TBCD: variants seen among roughly 807,000 people sequenced by gnomAD.
TBCD encodes the protein tubulin folding cofactor D, also known as tubulin-specific chaperone D.
TBCD carries 105 observed loss-of-function variants against 169.3 expected under a neutral mutation model. That is an observed-to-expected ratio of 0.62 (90% CI 0.53 to 0.73). The LOEUF (loss-of-function observed/expected upper bound fraction) is 0.73, where lower values mean the gene tolerates loss of function less well. Ranked by LOEUF, TBCD falls within the 30% of genes least tolerant of loss-of-function variation. TBCD has a pLI of 0.00. For synonymous variants in TBCD, 700 were observed against 643.9 expected, an observed-to-expected ratio of 1.09 and a Z score of -1.32; for missense variants, 1,444 against 1,600.1, an observed-to-expected ratio of 0.90 and a Z score of 1.66.
At chr17:82,840,916 T>TGTGGCATA (rs1228601587) in intron 13 of TBCD, among the ~76,000 whole-genome samples, 1 of 139,986 alleles carries the variant, frequency 7.1e-6, no homozygotes, top group Non-Finnish European at 1.5e-5. Context: ...GCTGCAGGGC[T>TGTGGCATA]GTGGCATAGG....
chr17:82,785,809 A>C (rs571109110), intron 7 of TBCD, among the ~76,000 whole-genome samples: 56 of 128,918 alleles, frequency 4.3e-4, no homozygotes, highest in African/African-American at 1.9e-3. Flanking sequence ...AGGGGGGTCC[A>C]TGCTGTGTGA....
intron 35 of TBCD, chr17:82,937,725 C>T: frequency 1.4e-6 from 1 of 738,828 alleles, no homozygotes; most frequent in Non-Finnish European, 2.1e-6. Context: ...GGACACTGGG[C>T]AGGTGCGCCA....
At position 82,772,492 on chromosome 17, in the gene TBCD, C is replaced by T; in HGVS notation, c.623C>T (p.Ala208Val). The T allele has an allele frequency of 6.2e-7, 1 of 1,614,004 alleles. No homozygotes were observed. The highest frequency in any genetic ancestry group is 2.2e-5 in the East Asian group (1 of 44,888). The change falls in exon 6 of 39, where the codon GCT becomes GTT. Residue 208 changes from alanine (A) to valine (V), a missense_variant. Ala to Val is a moderately conservative substitution (Grantham distance 64, BLOSUM62 0). Coordinates refer to ENST00000355528, the MANE Select transcript of TBCD (RefSeq NM_005993.5). ...AGTGACAAGGCCCGAGATGCAGCTGCTGTCCTTGTGTCCAGGTAAGTTTCC... is the reference window on the plus strand; with the variant it reads ...AGTGACAAGGCCCGAGATGCAGCTGTTGTCCTTGTGTCCAGGTAAGTTTCC... Reference protein sequence around the residue: ...IVSDKARDAAAVLVSRFITRP... With the variant: ...IVSDKARDAAVVLVSRFITRP...
Position 82,766,371 on chromosome 17 carries a change from G to A in TBCD, c.435+3G>A. The A allele has an allele frequency of 6.2e-7, 1 of 1,607,560 alleles. No homozygotes were observed. Among genetic ancestry groups the A allele is most frequent in the African/African-American group, 1.3e-5 (1 of 74,916 alleles). On this transcript the variant is annotated splice_donor_region_variant and intron_variant, in intron 4 of 38. Transcript: ENST00000355528. ...TTCAGAATCCCAAGGACCATGAAGT[G>A]AGTGTCTCTGCCTCCCCCCTCGTCT...
rs770339908 is a variant in TBCD, at chr17:82,870,300, C to T, written c.1395C>T (p.Asp465=). Residue 465 remains aspartate, a synonymous_variant, in exon 14 of 39, where the codon GAC becomes GAT. Transcript: ENST00000355528. ...GCAGCGTGGGCACCAACGTCAGGGA[C>T]GCCGCCTGCTACGTGTGCTGGGCCT... The part of the protein sequence containing the change: ...GACSVGTNVR[D]AACYVCWAFA... 9.9e-6 allele frequency: 16 copies of T among 1,613,440 alleles called. No homozygotes were observed. The highest frequency in any genetic ancestry group is 8.0e-5 in the African/African-American group (6 of 74,946).
intron 13 of TBCD, among the ~76,000 whole-genome samples, chr17:82,843,833 TC>T (rs1361904680): frequency 6.6e-6 from 1 of 152,160 alleles, no homozygotes; most frequent in East Asian, 1.9e-4. Context: ...CCCAGAGAGT[TC>T]CGTCACAGCA....
chr17:82,934,920 G>A (rs1174915291), intron 34 of TBCD, among the ~76,000 whole-genome samples: 8 of 150,634 alleles, frequency 5.3e-5, no homozygotes, highest in Admixed American at 6.6e-5. Flanking sequence ...CCAACTTGGT[G>A]AAACCCCATC....
At chr17:82,877,097 G>A (rs1200939931) in intron 14 of TBCD, 1 of 604,506 alleles carries the variant, frequency 1.7e-6, no homozygotes, top group Non-Finnish European at 2.1e-6. Context: ...CAAGAATTCA[G>A]TGTAACATGT....
At chr17:82,814,783 G>T (rs552152792) in intron 12 of TBCD, 57 bp from the exon 13 acceptor site, 5 of 1,567,730 alleles carry the variant, frequency 3.2e-6, no homozygotes, top group African/African-American at 1.4e-5. Flanking sequence ...CATGCTGTGG[G>T]CTTTGAACCA....
chr17:82,760,733 C>T (rs1414486146), intron 2 of TBCD, among the ~76,000 whole-genome samples: 3 of 152,142 alleles, frequency 2.0e-5, no homozygotes, highest in Non-Finnish European at 1.5e-5. Flanking sequence ...CTATCACTAC[C>T]ACAATCTAGG....
rs2061547096 is a variant in TBCD, at chr17:82,923,602, G to A, written c.2179-50G>A. 2 of 1,461,002 alleles carry A rather than the reference G, an allele frequency of 1.4e-6. No individual in the cohort carries two copies. Among genetic ancestry groups the A allele is most frequent in the Non-Finnish European group, 1.9e-6 (2 of 1,068,626 alleles). 90.5% of individuals were successfully genotyped at this position (1,461,002 alleles called of 1,614,324 possible). On this transcript the variant is annotated intron_variant, in intron 25 of 38. Coordinates refer to ENST00000355528, the MANE Select transcript of TBCD (RefSeq NM_005993.5). The surrounding 1 kb of genome is among the most constrained non-coding windows in gnomAD (Gnocchi z 4.6). Reference sequence around the variant, plus strand: ...TGACCTGCTCTGTCCCTGGCCGGGGGCTTCTCCGAGCAGAGCTGCTGTGCG... The same window carrying A: ...TGACCTGCTCTGTCCCTGGCCGGGGACTTCTCCGAGCAGAGCTGCTGTGCG...
At position 82,927,737 on chromosome 17, in the gene TBCD, C is replaced by T. The variant is rs575586075; in HGVS notation, c.2610-168C>T. Among the ~76,000 whole-genome samples the T allele has an allele frequency of 4.0e-4, 61 of 152,202 alleles. 1 individual carries two copies. In the South Asian group the frequency reaches 0.011, roughly 28 times the overall value. On this transcript the variant is annotated intron_variant, in intron 29 of 38. Transcript: ENST00000355528. The stretch of plus-strand genomic sequence containing the variant: ...TGGCTCCCTGCACACGTCCCTGTAG[C>T]GCACAGGGAACCTCTGCAGGCCCCG...
At chr17:82,825,191 C>G (rs1006107839) in intron 13 of TBCD, among the ~76,000 whole-genome samples, 2 of 152,144 alleles carry the variant, frequency 1.3e-5, no homozygotes, top group Admixed American at 6.5e-5. Flanking sequence ...CTGCTTCTCC[C>G]TATTTGTCAT....
At chr17:82,753,987 C>T (rs2047266409) in intron 1 of TBCD, among the ~76,000 whole-genome samples, 1 of 151,304 alleles carries the variant, frequency 6.6e-6, no homozygotes, top group South Asian at 2.1e-4. Context: ...AGTGATTCTC[C>T]TGCCTCAGCC....
chr17:82,805,418 G>A (rs79120536), intron 9 of TBCD, among the ~76,000 whole-genome samples: 114 of 152,324 alleles, frequency 7.5e-4, no homozygotes, highest in African/African-American at 2.6e-3. Context: ...GGGGCATTCG[G>A]GAGGCAGGAT....
At chr17:82,886,960 T>C (rs74844475) in intron 15 of TBCD, among the ~76,000 whole-genome samples, 4,214 of 151,754 alleles carry the variant, frequency 0.028, 205 homozygotes, top group African/African-American at 0.096. Context: ...TGAGCCACTG[T>C]GCCTGGCGGA....
At chr17:82,801,604 G>A (rs2050538193) in intron 9 of TBCD, among the ~76,000 whole-genome samples, 1 of 147,556 alleles carries the variant, frequency 6.8e-6, no homozygotes, top group African/African-American at 2.5e-5. Context: ...GCAGGAGGGT[G>A]GCGTGTGCGT....
At chr17:82,887,158 T>TGC (rs1453940525) in intron 15 of TBCD, among the ~76,000 whole-genome samples, 23 of 108,148 alleles carry the variant, frequency 2.1e-4, no homozygotes, top group African/African-American at 9.6e-4. Flanking sequence ...TGTGTGTGTG[T>TGC]GTGTGTGTGT....
chr17:82,917,062 C>G lies in TBCD; in HGVS notation c.2039-3494C>G, dbSNP rs190964291. On this transcript the variant is annotated intron_variant, in intron 23 of 38. Coordinates refer to ENST00000355528, the MANE Select transcript of TBCD (RefSeq NM_005993.5). Reference sequence around the variant, plus strand: ...TTGAGTTGGAGTCTTGCTCTGTCACCAGGCTGGAGTGCGGTGGCACAATCT... The same window carrying G: ...TTGAGTTGGAGTCTTGCTCTGTCACGAGGCTGGAGTGCGGTGGCACAATCT... 4.9e-3 allele frequency among the ~76,000 whole-genome samples: 680 copies of G among 139,158 alleles called. 19 individuals are homozygous for G. The East Asian group carries it at 0.051, about 10-fold the overall frequency. 91.3% of individuals were successfully genotyped at this position (139,158 alleles called of 152,430 possible).
Sources: allele counts gnomAD v4.1 joint callset (sites outside exome capture counted in the v4.1 genomes callset), GRCh38; gene constraint gnomAD v4.1.1; non-coding constraint Gnocchi (gnomAD v3.1); transcripts MANE v1.5; gene names NCBI Gene and HGNC (gene_info 2026-07-23, HGNC 2026-07-21).